Variants in SMARCA4 observed in about 807,000 individuals in gnomAD.
The protein encoded by SMARCA4 is SWI/SNF related BAF chromatin remodeling complex subunit ATPase 4.
Under a neutral mutation model 193.9 loss-of-function variants are expected in SMARCA4, and 31 were observed. The ratio of observed to expected loss-of-function variants is 0.16; its 90% confidence interval spans 0.12 to 0.22. The LOEUF is 0.22. Ranked by LOEUF, SMARCA4 falls within the 10% of genes least tolerant of loss-of-function variation. The pLI, the probability that SMARCA4 is intolerant of heterozygous loss-of-function variation, is 1.00. For synonymous variants in SMARCA4, 942 were observed against 933.1 expected, an observed-to-expected ratio of 1.01 and a Z score of -0.17; for missense variants, 1,148 against 2,296.0, an observed-to-expected ratio of 0.50 and a Z score of 10.22.
rs545950698 is a variant in SMARCA4 at position 10,992,113 on chromosome 19, CT to C, written c.1419+806del. Among the ~76,000 whole-genome samples the C allele has an allele frequency of 5.1e-3, 729 of 142,008 alleles. 2 individuals carry two copies. Among genetic ancestry groups the C allele is most frequent in the African/African-American group, 0.014 (552 of 38,884 alleles). 93.2% of individuals were successfully genotyped at this position (142,008 alleles called of 152,430 possible). Reference sequence around the variant, plus strand: ...CAGTCAACACAGCAATCTCTGTTAACTTTTTTTTTTTTTTTTGAGATGGAGT... The same window carrying C: ...CAGTCAACACAGCAATCTCTGTTAACTTTTTTTTTTTTTTTGAGATGGAGT... On this transcript the variant is annotated intron_variant, in intron 8 of 34. Transcript: ENST00000344626.
At position 10,994,891 on chromosome 19, in the gene SMARCA4, G is replaced by A. The variant is rs1060502093; in HGVS notation, c.1483G>A (p.Gly495Ser). 6.2e-7 allele frequency: 1 copy of A among 1,614,154 alleles called. No homozygotes were observed. The highest frequency in any genetic ancestry group is 8.5e-7 in the Non-Finnish European group (1 of 1,179,998). The change falls in exon 9 of 35, where the codon GGC (glycine) becomes AGC (serine). Residue 495 changes from glycine (G) to serine (S), a missense_variant. Gly to Ser is a moderately conservative substitution (Grantham distance 56, BLOSUM62 0). Transcript: ENST00000344626. Reference protein sequence around the residue: ...DFKEYHRSVTGKIQKLTKAVA... With the variant: ...DFKEYHRSVTSKIQKLTKAVA... ...CAAGGAATATCACAGATCCGTCACA[G>A]GCAAAATCCAGAAGCTGACCAAGGC...
At chr19:10,965,931 A>G (rs2084176607) in intron 1 of SMARCA4, among the ~76,000 whole-genome samples, 1 of 150,404 alleles carries the variant, frequency 6.6e-6, no homozygotes, top group African/African-American at 2.4e-5. Context: ...AAATTTCACC[A>G]TAAGGCATTG....
At chr19:11,008,848 C>T (rs2088506373) in intron 14 of SMARCA4, among the ~76,000 whole-genome samples, 1 of 151,576 alleles carries the variant, frequency 6.6e-6, no homozygotes, top group Admixed American at 6.6e-5. Context: ...GTGGCGTGCA[C>T]CTGGAGTCCC....
At chr19:11,047,022 C>T (rs1437338093) in intron 30 of SMARCA4, among the ~76,000 whole-genome samples, 1 of 148,820 alleles carries the variant, frequency 6.7e-6, no homozygotes, top group Non-Finnish European at 1.5e-5. Flanking sequence ...TGTTTGGGTA[C>T]AAAATTGGTG....
At position 11,003,120 on chromosome 19, in the gene SMARCA4, A is replaced by G. The variant is rs1600133088; in HGVS notation, c.1904A>G (p.Lys635Arg). The part of the protein sequence containing the change: ...GKILTGTDAP[K>R]AGQLEAWLEM... ...ATCCTCACAGGCACAGATGCCCCCA[A>G]AGCCGGGCAGCTGGAGGCCTGGCTC... Residue 635 changes from lysine to arginine, a missense_variant, in exon 12 of 35, where the codon AAA (lysine) becomes AGA (arginine). Lys to Arg is a conservative substitution (Grantham distance 26). Transcript: ENST00000344626. The G allele has an allele frequency of 3.1e-6, 5 of 1,614,000 alleles. No individual in the cohort carries two copies. Among genetic ancestry groups the G allele is most frequent in the Non-Finnish European group, 4.2e-6 (5 of 1,179,970 alleles).
chr19:10,990,046 G>T (rs1247289441), intron 7 of SMARCA4, among the ~76,000 whole-genome samples: 1 of 152,122 alleles, frequency 6.6e-6, no homozygotes, highest in Non-Finnish European at 1.5e-5. Context: ...CTGGAGTGCA[G>T]TGGAGAGATC....
Position 11,033,530 on chromosome 19 carries a change from C to T in SMARCA4, c.3774+13C>T, listed in dbSNP as rs1245520900. On this transcript the variant is annotated intron_variant, in intron 26 of 34. Coordinates refer to ENST00000344626, the MANE Select transcript of SMARCA4 (RefSeq NM_003072.5). The surrounding 1 kb of genome is among the most constrained non-coding windows in gnomAD (Gnocchi z 9.8). ...GGAGCAGGATGAGGTGAGCCCAGCA[C>T]CGGCCCCGACCCCTCCCCAGCGTGA... 3 of 1,596,942 alleles carry T rather than the reference C, an allele frequency of 1.9e-6. No homozygotes were observed. Among genetic ancestry groups the T allele is most frequent in the Non-Finnish European group, 2.6e-6 (3 of 1,165,344 alleles).
At chr19:10,983,919 G>T (rs938275718) in intron 1 of SMARCA4, among the ~76,000 whole-genome samples, 3 of 152,120 alleles carry the variant, frequency 2.0e-5, no homozygotes, top group Non-Finnish European at 2.9e-5. Flanking sequence ...CCCTTCCTGG[G>T]TAGACTGACT....
At chr19:11,057,374 A>G (rs905614649) in intron 30 of SMARCA4, among the ~76,000 whole-genome samples, 7 of 152,308 alleles carry the variant, frequency 4.6e-5, no homozygotes, top group African/African-American at 1.7e-4. Context: ...CGAGTGCACA[A>G]GGGCGCTTCC....
At chr19:11,020,305 C>T (rs972935800) in intron 18 of SMARCA4, among the ~76,000 whole-genome samples, 3 of 152,154 alleles carry the variant, frequency 2.0e-5, no homozygotes, top group Admixed American at 6.5e-5. Flanking sequence ...TAGCCCTCTG[C>T]CTCCAAAAAC....
chr19:10,998,051 G>A (rs570054487), intron 11 of SMARCA4, among the ~76,000 whole-genome samples: 1 of 152,070 alleles, frequency 6.6e-6, no homozygotes, highest in East Asian at 1.9e-4. Context: ...AGAGCTCCTT[G>A]TGTGTGTGTT....
At chr19:10,982,795 C>T (rs550053096) in intron 1 of SMARCA4, among the ~76,000 whole-genome samples, 2 of 152,146 alleles carry the variant, frequency 1.3e-5, no homozygotes, top group Non-Finnish European at 2.9e-5. Context: ...TGAGCCACCG[C>T]GCCTGGCCAA....
At position 11,062,089 on chromosome 19, in the gene SMARCA4, T is replaced by G. The variant is rs2076926893; in HGVS notation, c.*273T>G. 45 of 537,744 alleles carry G rather than the reference T, an allele frequency of 8.4e-5. 1 individual carries two copies. Among genetic ancestry groups the G allele is most frequent in the South Asian group, 8.3e-4 (40 of 48,452 alleles). 33.3% of individuals were successfully genotyped at this position (537,744 alleles called of 1,614,324 possible). A position where few individuals can be genotyped will look rare whatever the true frequency, so the allele number is the denominator to read the frequency against. On this transcript the variant is annotated 3_prime_UTR_variant, in exon 35 of 35. Transcript: ENST00000344626. ...GGAACACACGATACCTGTTTTTCTT[T>G]TCCGTTGCTGGCAGTACTGTTGCGC...
chr19:10,988,862 T>G (rs923038835), intron 6 of SMARCA4, among the ~76,000 whole-genome samples: 18 of 152,306 alleles, frequency 1.2e-4, no homozygotes, highest in Admixed American at 5.9e-4. Context: ...AAAGACTGAT[T>G]AAGAGAATTA....
chr19:11,043,821 A>G (rs2075752927), intron 30 of SMARCA4, among the ~76,000 whole-genome samples: 1 of 152,174 alleles, frequency 6.6e-6, no homozygotes, highest in Non-Finnish European at 1.5e-5. Context: ...AAAAAATACA[A>G]AAATAGAAAT....
intron 20 of SMARCA4, among the ~76,000 whole-genome samples, chr19:11,024,046 C>T (rs1483862581): frequency 6.6e-6 from 1 of 152,184 alleles, no homozygotes; most frequent in Non-Finnish European, 1.5e-5. Context: ...CTGCAGTTGT[C>T]CCTCTTGGCT....
In SMARCA4 at chr19:11,021,892, G is replaced by A. The variant is rs1600279135; in HGVS notation, c.2784G>A (p.Leu928=). Reference sequence around the variant, plus strand: ...AGCTCTGGGCGCTGCTCAACTTCCTGCTGCCCACCATCTTCAAGAGCTGCA... The same window carrying A: ...AGCTCTGGGCGCTGCTCAACTTCCTACTGCCCACCATCTTCAAGAGCTGCA... The part of the protein sequence containing the change: ...LPELWALLNF[L]LPTIFKSCST... Residue 928 remains leucine, a synonymous_variant, in exon 19 of 35, where the codon CTG becomes CTA. Coordinates refer to ENST00000344626, the MANE Select transcript of SMARCA4 (RefSeq NM_003072.5). The A allele has an allele frequency of 1.2e-6, 2 of 1,613,826 alleles. No homozygotes were observed. Among genetic ancestry groups the A allele is most frequent in the Non-Finnish European group, 1.7e-6 (2 of 1,180,026 alleles).
chr19:10,993,866 C>T (rs576277783), intron 8 of SMARCA4, among the ~76,000 whole-genome samples: 1 of 151,846 alleles, frequency 6.6e-6, no homozygotes, highest in South Asian at 2.1e-4. Flanking sequence ...AGGATGGTAT[C>T]GATCTGACCT....
intron 1 of SMARCA4, among the ~76,000 whole-genome samples, chr19:10,980,440 A>G (rs1188191127): frequency 6.6e-6 from 1 of 152,070 alleles, no homozygotes; most frequent in African/African-American, 2.4e-5. Flanking sequence ...ACGGCATCGC[A>G]TGATTTGATG....
Sources: gnomAD v4.1 joint callset for allele counts (sites outside exome capture counted in the v4.1 genomes callset) on GRCh38, gnomAD v4.1.1 for gene constraint, Gnocchi (gnomAD v3.1) non-coding constraint, MANE v1.5 for transcripts, NCBI Gene and HGNC (gene_info 2026-07-23, HGNC 2026-07-21) for gene names.